Variants in CCDC102B observed in about 807,000 individuals in gnomAD.
CCDC102B encodes the protein coiled-coil domain-containing protein 102B.
Under a neutral mutation model 57.4 loss-of-function variants are expected in CCDC102B, and 75 were observed. The ratio of observed to expected loss-of-function variants is 1.31; its 90% CI spans 1.08 to 1.58. CCDC102B has a LOEUF of 1.58. Among genes scored for constraint, CCDC102B ranks in the 40% most tolerant of loss-of-function variants. The pLI is 0.00. For synonymous variants in CCDC102B, 206 were observed against 201.9 expected, an observed-to-expected ratio of 1.02 and a Z score of -0.17; for missense variants, 636 against 582.6, an observed-to-expected ratio of 1.09 and a Z score of -0.94.
chr18:68,822,318 T>C (rs532978), intron 1 of CCDC102B, among the ~76,000 whole-genome samples: 146,960 of 151,842 alleles, frequency 0.97, 71,284 homozygotes, highest in East Asian at 1. Flanking sequence ...CACTTGAACC[T>C]GGGAGGCGTA....
At chr18:69,047,583 G>A (rs553574477) in intron 7 of CCDC102B, among the ~76,000 whole-genome samples, 4 of 152,058 alleles carry the variant, frequency 2.6e-5, no homozygotes, top group African/African-American at 4.8e-5. Flanking sequence ...CAAATTGGAA[G>A]AGAGAATGTG....
At chr18:69,012,829 A>G (rs912538413) in intron 7 of CCDC102B, among the ~76,000 whole-genome samples, 1 of 152,206 alleles carries the variant, frequency 6.6e-6, no homozygotes, top group African/African-American at 2.4e-5. Flanking sequence ...GTTTGTTGCT[A>G]CAAAAAACAA....
intron 2 of CCDC102B, among the ~76,000 whole-genome samples, chr18:68,732,397 G>A (rs1487926995): frequency 2.0e-5 from 3 of 151,384 alleles, no homozygotes; most frequent in Admixed American, 6.6e-5. Context: ...CCAGGCTGGA[G>A]TGCAGTGGCG....
intron 4 of CCDC102B, among the ~76,000 whole-genome samples, chr18:68,871,435 C>T (rs1555717482): frequency 6.6e-6 from 1 of 151,990 alleles, no homozygotes; most frequent in Non-Finnish European, 1.5e-5. Context: ...TTTACAAATC[C>T]ATTAATCTAA....
chr18:68,982,871 A>T (rs2050627824), intron 6 of CCDC102B, among the ~76,000 whole-genome samples: 1 of 151,926 alleles, frequency 6.6e-6, no homozygotes, highest in South Asian at 2.1e-4. Context: ...TAATATTTTA[A>T]TAACATACTT....
At chr18:68,976,518 C>T (rs150611216) in intron 6 of CCDC102B, among the ~76,000 whole-genome samples, 117 of 151,970 alleles carry the variant, frequency 7.7e-4, no homozygotes, top group Middle Eastern at 6.8e-3. Context: ...TTGCACATCC[C>T]CGATTATTAC....
chr18:68,868,313 GAATAC>G (rs1352374601), intron 4 of CCDC102B, among the ~76,000 whole-genome samples: 1 of 151,836 alleles, frequency 6.6e-6, no homozygotes, highest in African/African-American at 2.4e-5. Flanking sequence ...TTGACTTGAA[GAATAC>G]AATACATTTT....
chr18:68,862,487 T>TC, intron 4 of CCDC102B, among the ~76,000 whole-genome samples: 1 of 152,188 alleles, frequency 6.6e-6, no homozygotes, highest in African/African-American at 2.4e-5. Flanking sequence ...ATTTTTTATT[T>TC]ATAAAAATTT....
chr18:69,054,080 A>G lies in CCDC102B; in HGVS notation c.1485A>G (p.Glu495=). 6.2e-7 allele frequency: 1 copy of G among 1,607,272 alleles called. No individual in the cohort carries two copies. The highest frequency in any genetic ancestry group is 8.5e-7 in the Non-Finnish European group (1 of 1,178,180). The change falls in exon 8 of 8, where the codon GAA becomes GAG. Residue 495 remains glutamate, a synonymous_variant. Coordinates refer to ENST00000360242, the MANE Select transcript of CCDC102B (RefSeq NM_024781.3). ...QIRKLQRSLD[E]EKERNENLET... ...GTAAGCTCCAGAGGTCTCTGGATGA[A>G]GAGAAAGAAAGAAATGAAAACTTAG...
intron 6 of CCDC102B, among the ~76,000 whole-genome samples, chr18:68,911,474 C>A (rs531859962): frequency 6.6e-6 from 1 of 150,764 alleles, no homozygotes; most frequent in Non-Finnish European, 1.5e-5. Flanking sequence ...CAGAAAAGGC[C>A]GGGCGCGGTG....
At chr18:68,988,032 T>C (rs2050767375) in intron 6 of CCDC102B, among the ~76,000 whole-genome samples, 1 of 152,074 alleles carries the variant, frequency 6.6e-6, no homozygotes, top group Non-Finnish European at 1.5e-5. Flanking sequence ...CCACTCAGAA[T>C]CCCATTAATG....
At chr18:68,840,145 A>G (rs567316951) in intron 3 of CCDC102B, among the ~76,000 whole-genome samples, 1 of 152,346 alleles carries the variant, frequency 6.6e-6, no homozygotes, top group South Asian at 2.1e-4. Context: ...TAATATATAA[A>G]TAAGGTTCCA....
chr18:68,745,037 A>T (rs117102087), intron 2 of CCDC102B, among the ~76,000 whole-genome samples: 2 of 152,164 alleles, frequency 1.3e-5, no homozygotes, highest in African/African-American at 4.8e-5. Flanking sequence ...GCTGAGCACC[A>T]TCAGGGCAGA....
chr18:68,781,171 T>A (rs566880162), intron 2 of CCDC102B, among the ~76,000 whole-genome samples: 46 of 152,192 alleles, frequency 3.0e-4, no homozygotes, highest in Non-Finnish European at 2.6e-4. Context: ...AATGCCTTCA[T>A]TACTTAGCTG....
At chr18:68,976,823 A>G (rs184760543) in intron 6 of CCDC102B, among the ~76,000 whole-genome samples, 9 of 151,904 alleles carry the variant, frequency 5.9e-5, no homozygotes, top group Non-Finnish European at 1.3e-4. Flanking sequence ...TTTTACACTT[A>G]TATTGGCAGG....
chr18:69,021,281 T>G lies in CCDC102B; in HGVS notation c.1434+10177T>G, dbSNP rs1380226160. Among the ~76,000 whole-genome samples the G allele has an allele frequency of 2.6e-5, 4 of 152,232 alleles. No homozygotes were observed. The East Asian group carries it at 7.7e-4, about 29-fold the overall frequency. ...ATCTCATTAATTTGCACCCTGCTGA[T>G]TTTAAGATTATGAGAATAGTGATAG... On this transcript the variant is annotated intron_variant, in intron 7 of 7. Transcript: ENST00000360242.
At chr18:69,023,110 G>A (rs1321439459) in intron 7 of CCDC102B, among the ~76,000 whole-genome samples, 2 of 152,078 alleles carry the variant, frequency 1.3e-5, no homozygotes, top group African/African-American at 4.8e-5. Context: ...TTTTGAAATT[G>A]TGCACAAGGT....
chr18:68,786,584 A>T (rs1245000316), intron 2 of CCDC102B, among the ~76,000 whole-genome samples: 8 of 136,808 alleles, frequency 5.8e-5, no homozygotes, highest in African/African-American at 8.4e-5. Flanking sequence ...ATTCTCTTTG[A>T]AGCAATTGTG....
intron 5 of CCDC102B, 78 bp downstream of exon 5, chr18:68,874,863 G>A (rs1599614116): frequency 1.1e-5 from 10 of 889,984 alleles, no homozygotes; most frequent in Non-Finnish European, 1.8e-5. Flanking sequence ...TTTTAAGTAG[G>A]GTAACGGTCG....
Sources: gnomAD v4.1 joint callset for allele counts (sites outside exome capture counted in the v4.1 genomes callset) on GRCh38, gnomAD v4.1.1 for gene constraint, MANE v1.5 for transcripts, NCBI Gene and HGNC (gene_info 2026-07-23, HGNC 2026-07-21) for gene names.